The following NFIB variants were observed in gnomAD, a reference collection of about 807,000 sequenced individuals.
The protein encoded by NFIB is nuclear factor I B.
A neutral mutation model predicts 61.5 loss-of-function variants in NFIB; 11 were observed. That is an observed-to-expected ratio of 0.18 (90% CI 0.11 to 0.30). The LOEUF (loss-of-function observed/expected upper bound fraction) is 0.30, where lower values mean the gene tolerates loss of function less well. Ranked by LOEUF, NFIB falls within the 10% of genes least tolerant of loss-of-function variation. NFIB has a pLI of 1.00. For missense variants in NFIB, 471 were observed against 608.9 expected (o/e 0.77, Z 2.38); for synonymous variants, 260 against 216.5 (o/e 1.20, Z -1.76).
chr9:14,146,930 G>GTT, intron 5 of NFIB, 123 bp from the exon 6 acceptor site: 12 of 1,265,228 alleles, frequency 9.5e-6, no homozygotes, highest in Non-Finnish European at 1.3e-5. Flanking sequence ...ATAATGGTGA[G>GTT]TATAATGGTG....
At chr9:14,114,577 C>T (rs919907360) in intron 9 of NFIB, among the ~76,000 whole-genome samples, 2 of 152,208 alleles carry the variant, frequency 1.3e-5, no homozygotes, top group Non-Finnish European at 1.5e-5. Context: ...CATCTTTATA[C>T]AACCAAGATA....
intron 10 of NFIB, among the ~76,000 whole-genome samples, chr9:14,098,459 T>C (rs1167063536): frequency 6.6e-6 from 1 of 152,240 alleles, no homozygotes. Flanking sequence ...TCTTTTTCAT[T>C]CAATTATATT....
the NFIB span, among the ~76,000 whole-genome samples, chr9:14,408,840 AT>A: frequency 6.6e-6 from 1 of 152,118 alleles, no homozygotes; most frequent in Non-Finnish European, 1.5e-5. Context: ...CATAAATATC[AT>A]TTTTTTAATC....
At chr9:14,376,352 A>C (rs894751404) in intron 1 of NFIB, among the ~76,000 whole-genome samples, 1 of 152,202 alleles carries the variant, frequency 6.6e-6, no homozygotes, top group African/African-American at 2.4e-5. Context: ...TGGGCTTATA[A>C]ATGAAAAAAG....
chr9:14,484,659 A>C, the NFIB span, among the ~76,000 whole-genome samples: 1 of 152,184 alleles, frequency 6.6e-6, no homozygotes, highest in Non-Finnish European at 1.5e-5. Context: ...ATCATGTTTC[A>C]CCTCCAGCCT....
At chr9:14,517,188 T>C in the NFIB span, among the ~76,000 whole-genome samples, 2 of 152,176 alleles carry the variant, frequency 1.3e-5, no homozygotes. Flanking sequence ...TACAAAGTAA[T>C]CATCACTCCA....
intron 2 of NFIB, among the ~76,000 whole-genome samples, chr9:14,290,055 C>G (rs2132526620): frequency 6.6e-6 from 1 of 152,034 alleles, no homozygotes; most frequent in African/African-American, 2.4e-5. Context: ...AATGAAAGAC[C>G]TCATGAAAAA....
At chr9:14,511,247 G>T in the NFIB span, among the ~76,000 whole-genome samples, 5 of 151,846 alleles carry the variant, frequency 3.3e-5, no homozygotes, top group African/African-American at 9.7e-5. Flanking sequence ...TGTATTCATA[G>T]TTCGTTTATA....
the NFIB span, among the ~76,000 whole-genome samples, chr9:14,521,618 T>A: frequency 1.3e-5 from 1 of 78,468 alleles, no homozygotes; most frequent in African/African-American, 3.4e-5. Flanking sequence ...GATGGTGATA[T>A]CTGAAAAATG....
chr9:14,495,591 A>G, the NFIB span, among the ~76,000 whole-genome samples: 8 of 152,124 alleles, frequency 5.3e-5, no homozygotes, highest in African/African-American at 7.2e-5. Context: ...CATTTCAAGC[A>G]TCAGCTGGAA....
the NFIB span, among the ~76,000 whole-genome samples, chr9:14,494,315 T>C: frequency 2.6e-5 from 4 of 152,260 alleles, no homozygotes; most frequent in African/African-American, 7.2e-5. Flanking sequence ...TTATGAAACT[T>C]TGAATTCCTT....
intron 1 of NFIB, among the ~76,000 whole-genome samples, chr9:14,396,193 T>C (rs1018332613): frequency 1.3e-5 from 2 of 152,164 alleles, no homozygotes; most frequent in African/African-American, 4.8e-5. Flanking sequence ...TTTCTCCCTT[T>C]TTTTTTCTTT....
intron 6 of NFIB, among the ~76,000 whole-genome samples, chr9:14,127,434 C>T (rs1009639834): frequency 2.6e-5 from 4 of 152,184 alleles, no homozygotes; most frequent in East Asian, 1.9e-4. Flanking sequence ...ATGATCAACT[C>T]ATAACAAATC....
At chr9:14,508,430 G>A in the NFIB span, among the ~76,000 whole-genome samples, 2 of 152,162 alleles carry the variant, frequency 1.3e-5, no homozygotes, top group African/African-American at 4.8e-5. Context: ...CCTTCTAGAA[G>A]TTGTTGTTTG....
chr9:14,143,473 T>C (rs749131318), intron 6 of NFIB, among the ~76,000 whole-genome samples: 4 of 152,198 alleles, frequency 2.6e-5, no homozygotes, highest in Non-Finnish European at 5.9e-5. Context: ...TTGATTCTCA[T>C]ATTTAATAAA....
intron 2 of NFIB, among the ~76,000 whole-genome samples, chr9:14,277,409 T>C (rs939867753): frequency 1.3e-5 from 2 of 152,076 alleles, no homozygotes; most frequent in African/African-American, 4.8e-5. Flanking sequence ...TCTCCAGAAG[T>C]GTGCCGAGGC....
At chr9:14,464,673 G>C in the NFIB span, among the ~76,000 whole-genome samples, 1 of 152,064 alleles carries the variant, frequency 6.6e-6, no homozygotes, top group Non-Finnish European at 1.5e-5. Context: ...GAGGTGGGGT[G>C]CTTGGCCGAG....
the NFIB span, among the ~76,000 whole-genome samples, chr9:14,422,669 C>T: frequency 1.3e-5 from 2 of 152,214 alleles, no homozygotes; most frequent in African/African-American, 2.4e-5. Context: ...ATTGGCTCAG[C>T]ATAGGTCATG....
At chr9:14,265,387 G>A (rs942496007) in intron 2 of NFIB, among the ~76,000 whole-genome samples, 1 of 152,128 alleles carries the variant, frequency 6.6e-6, no homozygotes, top group African/African-American at 2.4e-5. Flanking sequence ...TCATAAGGGT[G>A]GGGCCCTAAT....
Sources: gnomAD v4.1 joint callset for allele counts (sites outside exome capture counted in the v4.1 genomes callset) on GRCh38, gnomAD v4.1.1 for gene constraint, MANE v1.5 for transcripts, NCBI Gene and HGNC (gene_info 2026-07-23, HGNC 2026-07-21) for gene names.